The following KIF5B variants were observed in gnomAD, a reference collection of about 807,000 sequenced individuals.
The protein encoded by KIF5B is kinesin-1 heavy chain.
A neutral mutation model predicts 132.8 loss-of-function variants in KIF5B; 49 were observed. That is an observed-to-expected ratio of 0.37 (90% CI 0.29 to 0.47). KIF5B has a LOEUF of 0.47. KIF5B is among the 20% of genes least tolerant of loss of function. The pLI is 1.00. For synonymous variants in KIF5B, 355 were observed against 369.4 expected (o/e 0.96, Z 0.45); for missense variants, 780 against 1,144.0 (o/e 0.68, Z 4.59).
At chr10:32,024,665 T>C (rs1841311571) in intron 15 of KIF5B, among the ~76,000 whole-genome samples, 2 of 151,842 alleles carry the variant, frequency 1.3e-5, no homozygotes, top group African/African-American at 4.8e-5. Flanking sequence ...CTCGGGAGGC[T>C]GAGGCAGAAG....
At chr10:32,036,653 T>C (rs1299636151) in intron 8 of KIF5B, among the ~76,000 whole-genome samples, 1 of 152,192 alleles carries the variant, frequency 6.6e-6, no homozygotes, top group Non-Finnish European at 1.5e-5. Context: ...GCTTAGGAGA[T>C]TTCTCAGATT....
At chr10:32,045,460 A>C (rs1841596814) in intron 2 of KIF5B, among the ~76,000 whole-genome samples, 1 of 152,172 alleles carries the variant, frequency 6.6e-6, no homozygotes, top group African/African-American at 2.4e-5. Flanking sequence ...GTTGAAAGGG[A>C]CTTTAAGGTT....
At chr10:32,020,211 A>T (rs957793183) in intron 19 of KIF5B, among the ~76,000 whole-genome samples, 1 of 152,096 alleles carries the variant, frequency 6.6e-6, no homozygotes, top group Non-Finnish European at 1.5e-5. Flanking sequence ...TACTTCCATC[A>T]GGTATTCATA....
chr10:32,029,093 T>C (rs1246827871), intron 14 of KIF5B, among the ~76,000 whole-genome samples: 5 of 152,344 alleles, frequency 3.3e-5, no homozygotes, highest in South Asian at 2.1e-4. Flanking sequence ...CTGAGTTTAA[T>C]GACTATCATT....
rs1467540567 is a variant in KIF5B, at chr10:32,021,146, G to A, written c.2095-15C>T. The A allele has an allele frequency of 1.2e-6, 2 of 1,609,374 alleles. No homozygotes were observed. The highest frequency in any genetic ancestry group is 3.3e-5 in the Admixed American group (2 of 59,970). ...TCAACAGCTTGCTAAAATTTTGGGGGGGAAAAGGATGTTAAAGTCAGACTA... is the reference window on the plus strand; with the variant it reads ...TCAACAGCTTGCTAAAATTTTGGGGAGGAAAAGGATGTTAAAGTCAGACTA... On this transcript the variant is annotated splice_polypyrimidine_tract_variant and intron_variant, in intron 18 of 25. Coordinates refer to ENST00000302418, the MANE Select transcript of KIF5B (RefSeq NM_004521.3).
intron 1 of KIF5B, among the ~76,000 whole-genome samples, chr10:32,054,916 T>C (rs1352678010): frequency 6.6e-6 from 1 of 151,226 alleles, no homozygotes; most frequent in East Asian, 1.9e-4. Context: ...AGTATCTCAC[T>C]ATTCTTGGGA....
chr10:32,056,074 G>A lies in KIF5B; in HGVS notation c.-101C>T, dbSNP rs374831159. On this transcript the variant is annotated 5_prime_UTR_variant, in exon 1 of 26. Coordinates refer to ENST00000302418, the MANE Select transcript of KIF5B (RefSeq NM_004521.3). ...GGGCTTGTGGTCGCGAGGGCCGTGA[G>A]AGGCAGCAGTCAGCTGCGCCGCGCT... 6 of 1,442,082 alleles carry A rather than the reference G, an allele frequency of 4.2e-6. No homozygotes were observed. The African/African-American group carries it at 4.3e-5, about 10-fold the overall frequency. 89.3% of individuals were successfully genotyped at this position (1,442,082 alleles called of 1,614,324 possible). A position where few individuals can be genotyped will look rare whatever the true frequency, so the allele number is the denominator to read the frequency against.
In KIF5B at chr10:32,034,012, A is replaced by C; in HGVS notation, c.1138T>G (p.Phe380Val). 6.3e-7 allele frequency: 1 copy of C among 1,594,070 alleles called. No individual in the cohort carries two copies. The highest frequency in any genetic ancestry group is 8.5e-7 in the Non-Finnish European group (1 of 1,171,690). Reference protein sequence around the residue: ...NGETVPIDEQFDKEKANLEAF... With the variant: ...NGETVPIDEQVDKEKANLEAF... ...TCCAAGTTGGCTTTCTCTTTGTCAA[A>C]CTGTTCATCAATAGGCACCGTCTCC... The change falls in exon 12 of 26, where the codon TTT (phenylalanine) becomes GTT (valine). Residue 380 changes from phenylalanine to valine, a missense_variant. This residue lies in a region of KIF5B where 471 missense variants were observed against 569.9 expected (regional missense o/e 0.83). Coordinates refer to ENST00000302418, the MANE Select transcript of KIF5B (RefSeq NM_004521.3).
At chr10:32,055,312 C>T (rs533240576) in intron 1 of KIF5B, among the ~76,000 whole-genome samples, 2 of 152,214 alleles carry the variant, frequency 1.3e-5, no homozygotes, top group African/African-American at 4.8e-5. Flanking sequence ...ATATTTGTAC[C>T]TCTTTTTGGT....
chr10:32,041,145 C>CAAAAAAA (rs35673564), intron 2 of KIF5B, among the ~76,000 whole-genome samples: 1 of 101,746 alleles, frequency 9.8e-6, no homozygotes, highest in African/African-American at 3.7e-5. Flanking sequence ...GACTCTGTCT[C>CAAAAAAA]AAAAAAAAAA....
chr10:32,041,766 G>A (rs1238857855), intron 2 of KIF5B, among the ~76,000 whole-genome samples: 1 of 152,154 alleles, frequency 6.6e-6, no homozygotes, highest in African/African-American at 2.4e-5. Flanking sequence ...AGGACTAGAG[G>A]CACATGCCAC....
intron 1 of KIF5B, among the ~76,000 whole-genome samples, chr10:32,054,306 T>TAACTACTC (rs1191254453): frequency 6.6e-6 from 1 of 152,244 alleles, no homozygotes; most frequent in Non-Finnish European, 1.5e-5. Flanking sequence ...TTACTGGGCT[T>TAACTACTC]AACTACTCCG....
intron 2 of KIF5B, among the ~76,000 whole-genome samples, chr10:32,047,113 T>C (rs1222960959): frequency 1.3e-5 from 2 of 152,234 alleles, no homozygotes; most frequent in African/African-American, 4.8e-5. Flanking sequence ...AATATTTCTA[T>C]TGAATGTGTA....
At position 32,020,352 on chromosome 10, in the gene KIF5B, T is replaced by C. The variant is rs571174209; in HGVS notation, c.2205-393A>G. 6.6e-5 allele frequency among the ~76,000 whole-genome samples: 10 copies of C among 152,246 alleles called. No homozygotes were observed. In the East Asian group the frequency reaches 9.7e-4, roughly 15 times the overall value. On this transcript the variant is annotated intron_variant, in intron 19 of 25. Coordinates refer to ENST00000302418, the MANE Select transcript of KIF5B (RefSeq NM_004521.3). ...GCACATGGTTATGGAGGCAGGGAAA[T>C]TGCTTCTAGATAAACTAAGATGACA...
intron 15 of KIF5B, among the ~76,000 whole-genome samples, chr10:32,024,882 G>A (rs1446677660): frequency 6.6e-6 from 1 of 152,052 alleles, no homozygotes; most frequent in Admixed American, 6.6e-5. Flanking sequence ...TTCGAAACCA[G>A]CCTGGACAAT....
chr10:32,047,559 CATG>C (rs753180512), intron 2 of KIF5B, among the ~76,000 whole-genome samples: 1 of 152,168 alleles, frequency 6.6e-6, no homozygotes, highest in African/African-American at 2.4e-5. Context: ...TCCTCATCTC[CATG>C]ATGACTTTGC....
chr10:32,021,954 A>G (rs1345594302), intron 17 of KIF5B, among the ~76,000 whole-genome samples, 186 bp downstream of exon 17: 1 of 152,224 alleles, frequency 6.6e-6, no homozygotes, highest in Non-Finnish European at 1.5e-5. Context: ...CCTGGGCAAC[A>G]GAGTGAAGAC....
rs71027049 is a variant in KIF5B, at chr10:32,026,437, C to CAAAAAA, written c.1725+1985_1725+1990dup. On this transcript the variant is annotated intron_variant, in intron 15 of 25. Coordinates refer to ENST00000302418, the MANE Select transcript of KIF5B (RefSeq NM_004521.3). ...TGGGAGACACAGTGAGATTCCGTCT[C>CAAAAAA]AAAAAAAAAAAAAAAAAAAAAAAAG... is the stretch of plus-strand genomic sequence containing the variant. 7.9e-3 allele frequency among the ~76,000 whole-genome samples: 387 copies of CAAAAAA among 48,876 alleles called. 61 individuals are homozygous for CAAAAAA. The highest frequency in any genetic ancestry group is 0.022 in the African/African-American group (289 of 13,122). The allele number at this position is 48,876 out of a possible 152,430, so 32.1% of individuals were successfully genotyped here. A position where few individuals can be genotyped will look rare whatever the true frequency, so the allele number is the denominator to read the frequency against.
chr10:32,018,230 G>A (rs1841202903), intron 22 of KIF5B, 74 bp from the exon 23 acceptor site: 2 of 1,448,480 alleles, frequency 1.4e-6, no homozygotes, highest in Non-Finnish European at 1.9e-6. Context: ...TGACGTGACT[G>A]TAAAGTTATT....
Sources: gnomAD v4.1 joint callset for allele counts (sites outside exome capture counted in the v4.1 genomes callset) on GRCh38, gnomAD v4.1.1 for gene constraint, gnomAD v4.1.1 regional missense constraint, MANE v1.5 for transcripts, NCBI Gene and HGNC (gene_info 2026-07-23, HGNC 2026-07-21) for gene names.